MDGA2: variants seen among roughly 807,000 people sequenced by gnomAD.
MDGA2 encodes MAM domain-containing glycosylphosphatidylinositol anchor protein 2.
A neutral mutation model predicts 117.8 loss-of-function variants in MDGA2; 40 were observed. The ratio of observed to expected loss-of-function variants is 0.34; its 90% confidence interval spans 0.26 to 0.44. The LOEUF is 0.44. Ranked by LOEUF, MDGA2 falls within the 20% of genes least tolerant of loss-of-function variation. The probability of loss-of-function intolerance (pLI) is 1.00; values close to 1 mark genes in which losing one functional copy is unlikely to be tolerated. For missense variants in MDGA2, 1,123 were observed against 1,250.6 expected (o/e 0.90, Z 1.54); for synonymous variants, 452 against 439.0 (o/e 1.03, Z -0.37).
intron 1 of MDGA2, among the ~76,000 whole-genome samples, chr14:47,571,060 A>G (rs1297237268): frequency 6.6e-6 from 1 of 152,198 alleles, no homozygotes; most frequent in Non-Finnish European, 1.5e-5. Context: ...AATTTACAAG[A>G]AAAAAACAAA....
chr14:47,102,125 T>C (rs1213784674), intron 5 of MDGA2, among the ~76,000 whole-genome samples: 1 of 152,160 alleles, frequency 6.6e-6, no homozygotes, highest in African/African-American at 2.4e-5. Context: ...TAATCATCTT[T>C]ACATCCTTAC....
At chr14:46,945,063 A>G (rs1305449079) in intron 9 of MDGA2, among the ~76,000 whole-genome samples, 1 of 152,110 alleles carries the variant, frequency 6.6e-6, no homozygotes, top group East Asian at 1.9e-4. Flanking sequence ...TATATGATAA[A>G]TAACTGGACT....
intron 8 of MDGA2, among the ~76,000 whole-genome samples, chr14:47,018,768 C>A (rs1888178248): frequency 1.3e-5 from 1 of 77,094 alleles, no homozygotes; most frequent in African/African-American, 4.2e-5. Flanking sequence ...AAAAAGTCTC[C>A]ATTGAGAGAA....
chr14:47,427,567 A>G (rs1892716140), intron 1 of MDGA2, among the ~76,000 whole-genome samples: 1 of 152,178 alleles, frequency 6.6e-6, no homozygotes, highest in Non-Finnish European at 1.5e-5. Flanking sequence ...CTGTAGCCCT[A>G]CTATCTTTTT....
intron 1 of MDGA2, among the ~76,000 whole-genome samples, chr14:47,582,206 C>T (rs1896241361): frequency 6.6e-6 from 1 of 151,678 alleles, no homozygotes; most frequent in Non-Finnish European, 1.5e-5. Context: ...TCTTAAAGGT[C>T]TAAGTAGGAT....
intron 1 of MDGA2, among the ~76,000 whole-genome samples, chr14:47,350,891 A>T (rs1566750417): frequency 6.6e-6 from 1 of 152,108 alleles, no homozygotes; most frequent in Non-Finnish European, 1.5e-5. Context: ...GTGCAGGTGG[A>T]TTTCTATTAT....
intron 8 of MDGA2, among the ~76,000 whole-genome samples, chr14:47,009,724 A>T (rs984314136): frequency 3.3e-5 from 5 of 152,194 alleles, no homozygotes; most frequent in African/African-American, 1.2e-4. Flanking sequence ...GAATCAGATT[A>T]GATGTAGGTA....
At chr14:47,559,577 T>C (rs1381154737) in intron 1 of MDGA2, among the ~76,000 whole-genome samples, 3 of 136,328 alleles carry the variant, frequency 2.2e-5, no homozygotes, top group African/African-American at 8.7e-5. Context: ...TTTTCTTTTC[T>C]TTTTTTTTTT....
intron 9 of MDGA2, among the ~76,000 whole-genome samples, chr14:46,935,996 CATA>C (rs1040632749): frequency 9.1e-6 from 1 of 110,150 alleles, no homozygotes; most frequent in Non-Finnish European, 1.8e-5. Context: ...GAAAAATGAA[CATA>C]ATAATACTAA....
At chr14:47,565,617 T>C (rs2138810056) in intron 1 of MDGA2, among the ~76,000 whole-genome samples, 1 of 152,270 alleles carries the variant, frequency 6.6e-6, no homozygotes, top group East Asian at 1.9e-4. Flanking sequence ...CTTCCTTGCT[T>C]CTTGTGCCAC....
chr14:47,348,863 G>C (rs771580726), intron 1 of MDGA2, among the ~76,000 whole-genome samples: 11 of 152,144 alleles, frequency 7.2e-5, no homozygotes, highest in Non-Finnish European at 1.3e-4. Flanking sequence ...TTTGCAAGTG[G>C]AGAAAAGTTG....
At chr14:47,068,453 T>C (rs1166894643) in intron 6 of MDGA2, among the ~76,000 whole-genome samples, 1 of 147,782 alleles carries the variant, frequency 6.8e-6, no homozygotes, top group Non-Finnish European at 1.5e-5. Flanking sequence ...ATTACCAAAA[T>C]GTCTTTATCG....
intron 1 of MDGA2, among the ~76,000 whole-genome samples, chr14:47,486,914 G>A (rs904552726): frequency 3.9e-5 from 6 of 152,054 alleles, no homozygotes; most frequent in Non-Finnish European, 5.9e-5. Context: ...TAGCAGCAGC[G>A]TGAAAAAAGA....
chr14:46,881,090 C>G (rs1316956970), intron 11 of MDGA2, among the ~76,000 whole-genome samples: 3 of 150,448 alleles, frequency 2.0e-5, no homozygotes, highest in African/African-American at 4.9e-5. Flanking sequence ...TGAATGGCCA[C>G]CAACAACCAA....
At chr14:47,542,210 A>C (rs1474319434) in intron 1 of MDGA2, among the ~76,000 whole-genome samples, 1 of 152,202 alleles carries the variant, frequency 6.6e-6, no homozygotes, top group African/African-American at 2.4e-5. Flanking sequence ...TTAAAGCATA[A>C]TCTTAAAGCA....
intron 1 of MDGA2, among the ~76,000 whole-genome samples, chr14:47,405,862 A>G (rs1892249977): frequency 6.6e-6 from 1 of 152,180 alleles, no homozygotes. Flanking sequence ...AACATTATTT[A>G]TGTTCATGCG....
At chr14:47,195,675 A>G (rs889044775) in intron 3 of MDGA2, among the ~76,000 whole-genome samples, 1 of 151,994 alleles carries the variant, frequency 6.6e-6, no homozygotes, top group African/African-American at 2.4e-5. Flanking sequence ...TTAAAATGCT[A>G]TTGCAACAGA....
chr14:47,515,094 G>C (rs1284905017), intron 1 of MDGA2, among the ~76,000 whole-genome samples: 1 of 152,132 alleles, frequency 6.6e-6, no homozygotes, highest in South Asian at 2.1e-4. Context: ...TAGAAAAGTG[G>C]CTCTGCCAGT....
intron 10 of MDGA2, among the ~76,000 whole-genome samples, chr14:46,891,784 T>C (rs894819002): frequency 2.0e-5 from 3 of 151,504 alleles, no homozygotes; most frequent in Non-Finnish European, 4.4e-5. Flanking sequence ...CACCAAAGCA[T>C]TTCCTTATTA....
Sources: gnomAD v4.1 joint callset for allele counts (sites outside exome capture counted in the v4.1 genomes callset) on GRCh38, gnomAD v4.1.1 for gene constraint, MANE v1.5 for transcripts, NCBI Gene and HGNC (gene_info 2026-07-23, HGNC 2026-07-21) for gene names.